Variants in STK24 observed in about 807,000 individuals in gnomAD.
STK24 encodes the protein serine/threonine-protein kinase 24.
In STK24, 21 loss-of-function variants were observed where a neutral mutation model predicts 55.6. The observed-to-expected ratio is 0.38, with a 90% CI of 0.27 to 0.54. The LOEUF is 0.54. STK24 is among the 20% of genes least tolerant of loss of function. STK24 has a pLI of 0.79. For missense variants in STK24, 383 were observed against 538.4 expected (o/e 0.71, Z 2.86); for synonymous variants, 200 against 215.2 (o/e 0.93, Z 0.62).
At chr13:98,465,327 C>T (rs1425047130) in intron 6 of STK24, among the ~76,000 whole-genome samples, 1 of 152,262 alleles carries the variant, frequency 6.6e-6, no homozygotes, top group African/African-American at 2.4e-5. Flanking sequence ...TGCTCATATT[C>T]TCGCCTCTCA....
At chr13:98,566,335 C>T (rs764591346) in intron 1 of STK24, among the ~76,000 whole-genome samples, 4 of 152,198 alleles carry the variant, frequency 2.6e-5, no homozygotes, top group South Asian at 2.1e-4. Context: ...GACAATGTGA[C>T]GGTCAGGAGG....
chr13:98,467,570 T>C (rs1248568982), intron 5 of STK24, among the ~76,000 whole-genome samples: 1 of 152,068 alleles, frequency 6.6e-6, no homozygotes, highest in African/African-American at 2.4e-5. Context: ...AATTCGGGAT[T>C]TGTCTGGTGG....
At chr13:98,572,996 A>C (rs1206660309) in intron 1 of STK24, among the ~76,000 whole-genome samples, 5 of 152,206 alleles carry the variant, frequency 3.3e-5, no homozygotes, top group Non-Finnish European at 7.3e-5. Flanking sequence ...GCTCCAAAAT[A>C]TGAAACTTTT....
Position 98,519,301 on chromosome 13 carries a change from G to A in STK24, c.215C>T (p.Thr72Ile). 1 of 1,614,228 alleles carries A rather than the reference G, an allele frequency of 6.2e-7. No homozygotes were observed. Among genetic ancestry groups the A allele is most frequent in the Non-Finnish European group, 8.5e-7 (1 of 1,180,046 alleles). ...TGGACTGTCACACTGACTCAGCACT[G>A]TGATTTCTTGTTGAATGTCCTCTAT... ...DEIEDIQQEI[T>I]VLSQCDSPYV... The change falls in exon 2 of 11, where the codon ACA becomes ATA. Residue 72 changes from threonine (T) to isoleucine (I), a missense_variant. Coordinates refer to ENST00000539966, the MANE Select transcript of STK24 (RefSeq NM_001032296.4).
chr13:98,531,363 G>C (rs1231477008), intron 1 of STK24, among the ~76,000 whole-genome samples: 1 of 152,146 alleles, frequency 6.6e-6, no homozygotes, highest in East Asian at 1.9e-4. Flanking sequence ...TAAAAACCAA[G>C]TGCTCTTTTG....
At chr13:98,560,895 C>CA (rs1311592950) in intron 1 of STK24, among the ~76,000 whole-genome samples, 10 of 125,264 alleles carry the variant, frequency 8.0e-5, no homozygotes, top group Non-Finnish European at 4.9e-5. Context: ...GACTCCGTCT[C>CA]AAAAAAAAGA....
chr13:98,548,985 G>C (rs1566399801), intron 1 of STK24, among the ~76,000 whole-genome samples: 2 of 151,906 alleles, frequency 1.3e-5, no homozygotes, highest in East Asian at 3.9e-4. Flanking sequence ...ACCCCGATCA[G>C]TGCCCCGGGG....
intron 2 of STK24, among the ~76,000 whole-genome samples, chr13:98,486,156 G>T (rs1458735640): frequency 1.3e-5 from 2 of 151,198 alleles, no homozygotes; most frequent in Non-Finnish European, 1.5e-5. Context: ...CTATACCTAT[G>T]TAATAAACCT....
Position 98,576,760 on chromosome 13 carries a change from G to A in STK24, c.27C>T (p.Gly9=), listed in dbSNP as rs760280931. The A allele has an allele frequency of 3.4e-6, 5 of 1,456,058 alleles. No individual in the cohort carries two copies. Among genetic ancestry groups the A allele is most frequent in the Middle Eastern group, 2.4e-4 (1 of 4,174 alleles). 90.2% of individuals were successfully genotyped at this position (1,456,058 alleles called of 1,614,324 possible). The change falls in exon 1 of 11, where the codon GGC becomes GGT. Residue 9 remains glycine, a synonymous_variant. Coordinates refer to ENST00000539966, the MANE Select transcript of STK24 (RefSeq NM_001032296.4). ...GCCCGCCTACCTGCATGCCGGGCAGGCCCGACTGCACCGGGGAGTGAGCCA... is the reference window on the plus strand; with the variant it reads ...GCCCGCCTACCTGCATGCCGGGCAGACCCGACTGCACCGGGGAGTGAGCCA... MAHSPVQS[G]LPGMQNLKAD... is the part of the protein sequence containing the mutation.
intron 1 of STK24, among the ~76,000 whole-genome samples, chr13:98,543,852 C>T (rs539425094): frequency 3.3e-5 from 5 of 152,192 alleles, no homozygotes; most frequent in Non-Finnish European, 5.9e-5. Context: ...CCGGCAGACT[C>T]GGTCACCCAC....
At chr13:98,532,887 T>C (rs1382891119) in intron 1 of STK24, among the ~76,000 whole-genome samples, 2 of 152,258 alleles carry the variant, frequency 1.3e-5, no homozygotes, top group African/African-American at 4.8e-5. Context: ...CTGAGCTGTA[T>C]TAATGCGTTA....
intron 1 of STK24, among the ~76,000 whole-genome samples, chr13:98,525,019 T>C (rs1274793979): frequency 1.3e-5 from 2 of 152,214 alleles, no homozygotes; most frequent in Non-Finnish European, 2.9e-5. Context: ...GCCGGGGCAA[T>C]GGGGCACTCA....
chr13:98,519,332 C>T lies in STK24; in HGVS notation c.184G>A (p.Asp62Asn). Residue 62 changes from aspartate to asparagine, a missense_variant, in exon 2 of 11, where the codon GAT (aspartate) becomes AAT (asparagine). Coordinates refer to ENST00000539966, the MANE Select transcript of STK24 (RefSeq NM_001032296.4). ...TCTTGTTGAATGTCCTCTATCTCAT[C>T]TTCAGCTTCTTCCAGATCAATGATC... ...IKIIDLEEAE[D>N]EIEDIQQEIT... 1.2e-6 allele frequency: 2 copies of T among 1,614,234 alleles called. No homozygotes were observed. Among genetic ancestry groups the T allele is most frequent in the Non-Finnish European group, 1.7e-6 (2 of 1,180,040 alleles).
intron 1 of STK24, among the ~76,000 whole-genome samples, chr13:98,550,974 T>C (rs1246636019): frequency 1.3e-5 from 2 of 152,080 alleles, no homozygotes; most frequent in Non-Finnish European, 2.9e-5. Flanking sequence ...CATGCATATA[T>C]ATTGTGACCA....
intron 2 of STK24, among the ~76,000 whole-genome samples, chr13:98,492,893 T>A (rs1279153387): frequency 6.6e-6 from 1 of 152,190 alleles, no homozygotes; most frequent in Non-Finnish European, 1.5e-5. Flanking sequence ...TGACATTGCA[T>A]CAGATGCCTA....
At chr13:98,482,920 T>C (rs1894651924) in intron 2 of STK24, among the ~76,000 whole-genome samples, 1 of 152,188 alleles carries the variant, frequency 6.6e-6, no homozygotes, top group Non-Finnish European at 1.5e-5. Flanking sequence ...CTCAGGGAGC[T>C]TTCCAGAAAA....
chr13:98,474,709 A>T, intron 5 of STK24, 112 bp downstream of exon 5: 1 of 1,334,920 alleles, frequency 7.5e-7, no homozygotes. Flanking sequence ...TTTATGACCT[A>T]CCTCAAGGTA....
At chr13:98,530,306 GT>G (rs1194818510) in intron 1 of STK24, among the ~76,000 whole-genome samples, 1 of 152,150 alleles carries the variant, frequency 6.6e-6, no homozygotes, top group African/African-American at 2.4e-5. Flanking sequence ...AGGCAGCTCC[GT>G]TTTTACCCCC....
rs11841831 is a variant in STK24 at position 98,549,866 on chromosome 13, A to G, written c.42+26879T>C. 7.1e-3 allele frequency among the ~76,000 whole-genome samples: 1,088 copies of G among 152,262 alleles called. 13 individuals are homozygous for G. Among genetic ancestry groups the G allele is most frequent in the African/African-American group, 0.02 (832 of 41,550 alleles). ...CCTAAAGGCCCCACCTCGAAACACA[A>G]TTGCACTAAGATTCACAACATGACT... On this transcript the variant is annotated intron_variant, in intron 1 of 10. Coordinates refer to ENST00000539966, the MANE Select transcript of STK24 (RefSeq NM_001032296.4).
Sources: allele counts gnomAD v4.1 joint callset (sites outside exome capture counted in the v4.1 genomes callset), GRCh38; gene constraint gnomAD v4.1.1; transcripts MANE v1.5; gene names NCBI Gene and HGNC (gene_info 2026-07-23, HGNC 2026-07-21).